PIEZO2: variants seen among roughly 807,000 people sequenced by gnomAD.
PIEZO2 encodes the protein piezo type mechanosensitive ion channel component 2, also known as piezo-type mechanosensitive ion channel component 2.
A neutral mutation model predicts 337.3 loss-of-function variants in PIEZO2; 172 were observed. That is an observed-to-expected ratio of 0.51 (90% CI 0.45 to 0.58). The LOEUF is 0.58. PIEZO2 is among the 20% of genes least tolerant of loss of function. The pLI is 0.00. For synonymous variants in PIEZO2, 1,251 were observed against 1,228.5 expected (o/e 1.02, Z -0.38); for missense variants, 3,028 against 3,391.3 (o/e 0.89, Z 2.66).
intron 3 of PIEZO2, among the ~76,000 whole-genome samples, chr18:10,916,255 C>T (rs566424446): frequency 5.9e-5 from 9 of 152,272 alleles, no homozygotes; most frequent in South Asian, 2.1e-4. Context: ...ATGCCAGGGC[C>T]GCAGGCAGCC....
At chr18:10,901,627 G>T (rs1447194873) in intron 4 of PIEZO2, among the ~76,000 whole-genome samples, 1 of 152,144 alleles carries the variant, frequency 6.6e-6, no homozygotes, top group Non-Finnish European at 1.5e-5. Context: ...TGGTTTCTAT[G>T]TCCATAAACT....
intron 5 of PIEZO2, among the ~76,000 whole-genome samples, chr18:10,860,815 G>A (rs1293745787): frequency 9.2e-5 from 14 of 152,196 alleles, no homozygotes; most frequent in Admixed American, 9.2e-4. Flanking sequence ...GTCTTTGTGA[G>A]GTTATACAAA....
At position 10,725,210 on chromosome 18, in the gene PIEZO2, T is replaced by C. The variant is rs899232138; in HGVS notation, c.5029+6197A>G. On this transcript the variant is annotated intron_variant, in intron 36 of 55. Coordinates refer to ENST00000674853, the MANE Select transcript of PIEZO2 (RefSeq NM_001378183.1). Reference sequence around the variant, plus strand: ...GCAGTTGGCATCATTGAGGCTGTTCTGGAGAAGTTTGGAACCTACGAACAC... The same window carrying C: ...GCAGTTGGCATCATTGAGGCTGTTCCGGAGAAGTTTGGAACCTACGAACAC... 1.9e-6 allele frequency: 3 copies of C among 1,558,790 alleles called. No homozygotes were observed. The African/African-American group carries it at 4.1e-5, about 21-fold the overall frequency.
In PIEZO2 at chr18:10,672,379, A is replaced by G. The variant is rs564583549; in HGVS notation, c.8345+311T>C. Among the ~76,000 whole-genome samples the G allele has an allele frequency of 5.9e-4, 90 of 152,340 alleles. No homozygotes were observed. Among genetic ancestry groups the G allele is most frequent in the Non-Finnish European group, 1.1e-3 (73 of 68,034 alleles). On this transcript the variant is annotated intron_variant, in intron 55 of 55. Transcript: ENST00000674853. The surrounding 1 kb of genome is among the most constrained non-coding windows in gnomAD (Gnocchi z 4.7). ...TCTGCTAAGGATTAGAAGGAAATCT[A>G]AGCAGAAAAGTGATATTTCTGTGCT...
intron 20 of PIEZO2, among the ~76,000 whole-genome samples, chr18:10,771,913 T>C (rs976345790): frequency 1.3e-5 from 2 of 152,222 alleles, no homozygotes; most frequent in African/African-American, 4.8e-5. Flanking sequence ...CGCTGCAGTA[T>C]TGCAGTGCTG....
At chr18:10,832,960 G>T (rs920748760) in intron 7 of PIEZO2, among the ~76,000 whole-genome samples, 6 of 152,218 alleles carry the variant, frequency 3.9e-5, no homozygotes, top group Admixed American at 1.3e-4. Flanking sequence ...CTCCCTGCCT[G>T]CCCTCCGGGG....
Position 10,682,134 on chromosome 18 carries a change from G to T in PIEZO2, c.7656C>A (p.Val2552=). The T allele has an allele frequency of 6.5e-7, 1 of 1,537,116 alleles. No individual in the cohort carries two copies. Among genetic ancestry groups the T allele is most frequent in the Non-Finnish European group, 8.7e-7 (1 of 1,146,836 alleles). ...ACCCTCCCAGGGTAATTGTGACGGAGACGTCCAGGGGCTGGTTGATGACCC... is the reference window on the plus strand; with the variant it reads ...ACCCTCCCAGGGTAATTGTGACGGATACGTCCAGGGGCTGGTTGATGACCC... ...VAGVINQPLD[V]SVTITLGGYQ... is the part of the protein sequence containing the mutation. Residue 2552 remains valine (V), a synonymous_variant, in exon 50 of 56, where the codon GTC becomes GTA. Transcript: ENST00000674853. The surrounding 1 kb of genome is among the most constrained non-coding windows in gnomAD (Gnocchi z 5.6).
chr18:10,880,364 C>A (rs781620710), intron 4 of PIEZO2, among the ~76,000 whole-genome samples: 7 of 152,186 alleles, frequency 4.6e-5, no homozygotes, highest in Non-Finnish European at 1.5e-5. Flanking sequence ...CAATTTCTCA[C>A]CTTACAAAGT....
At chr18:10,915,467 A>G (rs538022113) in intron 3 of PIEZO2, among the ~76,000 whole-genome samples, 19 of 152,276 alleles carry the variant, frequency 1.2e-4, no homozygotes, top group Non-Finnish European at 2.4e-4. Flanking sequence ...AATTCCTTGA[A>G]CATCCAAATT....
At chr18:11,046,865 G>A (rs1216298187) in intron 2 of PIEZO2, among the ~76,000 whole-genome samples, 1 of 152,250 alleles carries the variant, frequency 6.6e-6, no homozygotes, top group Non-Finnish European at 1.5e-5. Flanking sequence ...GAAGGTGGAA[G>A]AGGAAATGTA....
At chr18:10,844,839 A>G (rs1230134195) in intron 7 of PIEZO2, among the ~76,000 whole-genome samples, 1 of 151,874 alleles carries the variant, frequency 6.6e-6, no homozygotes, top group Non-Finnish European at 1.5e-5. Context: ...TGAGAATTAA[A>G]TGAGAGATGC....
rs1354597545 is a variant in PIEZO2, at chr18:11,021,302, G to A, written c.161-41642C>T. On this transcript the variant is annotated intron_variant, in intron 2 of 55. Coordinates refer to ENST00000674853, the MANE Select transcript of PIEZO2 (RefSeq NM_001378183.1). The surrounding 1 kb of genome is among the most constrained non-coding windows in gnomAD (Gnocchi z 4.7). ...CAAACCGGTTTTCCATGGACCCAAAGTCAGTGTGGTGTTCTTACTTCCTGT... is the reference window on the plus strand; with the variant it reads ...CAAACCGGTTTTCCATGGACCCAAAATCAGTGTGGTGTTCTTACTTCCTGT... Among the ~76,000 whole-genome samples, 2 of 152,190 alleles carry A rather than the reference G, an allele frequency of 1.3e-5. No homozygotes were observed. The highest frequency in any genetic ancestry group is 6.5e-5 in the Admixed American group (1 of 15,278).
At chr18:10,691,430 A>G (rs1450515656) in intron 47 of PIEZO2, 47 bp from the exon 48 acceptor site, 6 of 1,574,280 alleles carry the variant, frequency 3.8e-6, no homozygotes, top group East Asian at 4.5e-5. Context: ...TACTCTTCTG[A>G]AACAAAAGGA....
chr18:11,038,779 T>C lies in PIEZO2; in HGVS notation c.160+27348A>G, dbSNP rs1164428934. Reference sequence around the variant, plus strand: ...ATGCATACATACAAATAAAATTAGCTCTATACAACCTATAGGTATAACGGT... The same window carrying C: ...ATGCATACATACAAATAAAATTAGCCCTATACAACCTATAGGTATAACGGT... On this transcript the variant is annotated intron_variant, in intron 2 of 55. Coordinates refer to ENST00000674853, the MANE Select transcript of PIEZO2 (RefSeq NM_001378183.1). This position sits in a 1 kb window ranked among gnomAD's most constrained non-coding sequence, Gnocchi z 4.1. Among the ~76,000 whole-genome samples the C allele has an allele frequency of 1.3e-5, 2 of 152,164 alleles. No individual in the cohort carries two copies. Among genetic ancestry groups the C allele is most frequent in the African/African-American group, 4.8e-5 (2 of 41,434 alleles).
At chr18:10,681,879 G>A (rs1412869223) in intron 50 of PIEZO2, 126 bp from the exon 51 acceptor site, 1 of 885,606 alleles carries the variant, frequency 1.1e-6, no homozygotes, top group Non-Finnish European at 1.7e-6. Context: ...CATGATACAT[G>A]GCATCCGAGA....
Position 10,795,031 on chromosome 18 carries a change from C to T in PIEZO2, c.1528-29G>A, listed in dbSNP as rs1158679316. 3.9e-6 allele frequency: 6 copies of T among 1,523,880 alleles called. No individual in the cohort carries two copies. The highest frequency in any genetic ancestry group is 5.3e-6 in the Non-Finnish European group (6 of 1,128,412). The allele number at this position is 1,523,880 out of a possible 1,614,324, so 94.4% of individuals were successfully genotyped here. A position where few individuals can be genotyped will look rare whatever the true frequency, so the allele number is the denominator to read the frequency against. On this transcript the variant is annotated intron_variant, in intron 12 of 55. Transcript: ENST00000674853. The surrounding 1 kb of genome is among the most constrained non-coding windows in gnomAD (Gnocchi z 4.4). Reference sequence around the variant, plus strand: ...CGGAGGACAGAAAAGGAAACACGACCATGGTCAATACAATGCTCAGTCCCC... The same window carrying T: ...CGGAGGACAGAAAAGGAAACACGACTATGGTCAATACAATGCTCAGTCCCC...
chr18:11,110,552 G>A lies in PIEZO2; in HGVS notation c.64+37973C>T, dbSNP rs191449797. ...TCAAACAACAAAGACACAGCAGAGC[G>A]GGGGAGTGGGAGCTGCCACATAACG... is the stretch of plus-strand genomic sequence containing the variant. On this transcript the variant is annotated intron_variant, in intron 1 of 55. Transcript: ENST00000674853. The surrounding 1 kb of genome is among the most constrained non-coding windows in gnomAD (Gnocchi z 4.2). Among the ~76,000 whole-genome samples, 1 of 152,194 alleles carries A rather than the reference G, an allele frequency of 6.6e-6. No homozygotes were observed. Among genetic ancestry groups the A allele is most frequent in the East Asian group, 1.9e-4 (1 of 5,186 alleles).
rs551425015 is a variant in PIEZO2, at chr18:10,872,726, G to C, written c.330-1311C>G. Among the ~76,000 whole-genome samples, 4 of 152,148 alleles carry C rather than the reference G, an allele frequency of 2.6e-5. No homozygotes were observed. The highest frequency in any genetic ancestry group is 9.7e-5 in the African/African-American group (4 of 41,446). Reference sequence around the variant, plus strand: ...CTATTATTAAAGCCACATGAAGAGCGATTCCCGGCATGTTCTCTGCTCACT... The same window carrying C: ...CTATTATTAAAGCCACATGAAGAGCCATTCCCGGCATGTTCTCTGCTCACT... On this transcript the variant is annotated intron_variant, in intron 4 of 55. Coordinates refer to ENST00000674853, the MANE Select transcript of PIEZO2 (RefSeq NM_001378183.1). This position sits in a 1 kb window ranked among gnomAD's most constrained non-coding sequence, Gnocchi z 4.3.
intron 7 of PIEZO2, among the ~76,000 whole-genome samples, chr18:10,811,872 C>T (rs4530201): frequency 0.24 from 36,727 of 152,162 alleles, 4,661 homozygotes; most frequent in East Asian, 0.35. Flanking sequence ...CTCGCTCTGT[C>T]GCCCAGGCTG....
Sources: gnomAD v4.1 joint callset for allele counts (sites outside exome capture counted in the v4.1 genomes callset) on GRCh38, gnomAD v4.1.1 for gene constraint, Gnocchi (gnomAD v3.1) non-coding constraint, MANE v1.5 for transcripts, NCBI Gene and HGNC (gene_info 2026-07-23, HGNC 2026-07-21) for gene names.